The following PPFIA1 variants were observed in gnomAD, a reference collection of about 807,000 sequenced individuals.
PPFIA1 encodes PPFI scaffold protein A1, also known as liprin-alpha-1.
PPFIA1 carries 25 observed loss-of-function variants against 149.9 expected under a neutral mutation model. That is an observed-to-expected ratio of 0.17 (90% CI 0.12 to 0.23). The LOEUF is 0.23. Ranked by LOEUF, PPFIA1 falls within the 10% of genes least tolerant of loss-of-function variation. The probability of loss-of-function intolerance (pLI) is 1.00; values close to 1 mark genes in which losing one functional copy is unlikely to be tolerated. For synonymous variants in PPFIA1, 549 were observed against 552.8 expected, an observed-to-expected ratio of 0.99 and a Z score of 0.10; for missense variants, 1,362 against 1,506.5, an observed-to-expected ratio of 0.90 and a Z score of 1.59.
At chr11:70,310,073 A>G (rs2053156817) in intron 2 of PPFIA1, among the ~76,000 whole-genome samples, 1 of 152,246 alleles carries the variant, frequency 6.6e-6, no homozygotes, top group Non-Finnish European at 1.5e-5. Flanking sequence ...TTGAATGTAT[A>G]TTCACATCAG....
chr11:70,361,997 G>A, intron 19 of PPFIA1, 98 bp from the exon 20 acceptor site: 2 of 1,081,136 alleles, frequency 1.8e-6, no homozygotes, highest in Admixed American at 1.8e-5. Flanking sequence ...CTGGGCTCAA[G>A]TGGTCCTCCT....
At chr11:70,302,308 T>A (rs1220372266) in intron 2 of PPFIA1, among the ~76,000 whole-genome samples, 1 of 152,060 alleles carries the variant, frequency 6.6e-6, no homozygotes, top group African/African-American at 2.4e-5. Context: ...AGGGGATGCT[T>A]CCCCAGGGAG....
chr11:70,354,962 A>G (rs1472465170), intron 17 of PPFIA1, among the ~76,000 whole-genome samples: 2 of 151,796 alleles, frequency 1.3e-5, no homozygotes, highest in Non-Finnish European at 2.9e-5. Flanking sequence ...TTTGAGATAG[A>G]GTCTTGCTCT....
chr11:70,378,453 G>A (rs946698707), intron 26 of PPFIA1: 18 of 1,197,576 alleles, frequency 1.5e-5, no homozygotes, highest in African/African-American at 3.1e-5. Flanking sequence ...CTCAGTATTC[G>A]TCTGTGTTCT....
intron 25 of PPFIA1, among the ~76,000 whole-genome samples, chr11:70,377,798 C>T (rs1222425903): frequency 6.6e-6 from 1 of 152,142 alleles, no homozygotes; most frequent in Non-Finnish European, 1.5e-5. Flanking sequence ...TCCTCATGGC[C>T]CAGCACCGAC....
In PPFIA1 at chr11:70,270,767, G is replaced by C. The variant is rs1188967673; in HGVS notation, c.-148G>C. The C allele has an allele frequency of 4.0e-5, 6 of 150,366 alleles. No individual in the cohort carries two copies. Among genetic ancestry groups the C allele is most frequent in the East Asian group, 2.0e-4 (1 of 5,082 alleles). The allele number at this position is 150,366 out of a possible 1,614,324, so 9.3% of individuals were successfully genotyped here. A position where few individuals can be genotyped will look rare whatever the true frequency, so the allele number is the denominator to read the frequency against. ...CGGCCGCGGGCCGGCCTTAGTGACT[G>C]GGGCGGCGGGCCCCGGGGCCGCGGC... On this transcript the variant is annotated 5_prime_UTR_variant, in exon 1 of 28. Transcript: ENST00000253925.
At position 70,296,618 on chromosome 11, in the gene PPFIA1, C is replaced by T. The variant is rs568615983; in HGVS notation, c.264+24182C>T. ...AATCAGGCAGGGAGGTTGCAGTGAG[C>T]CGAGATGGCAGCAGTACAGTCCAGC... On this transcript the variant is annotated intron_variant, in intron 2 of 27. Transcript: ENST00000253925. Among the ~76,000 whole-genome samples, 36 of 151,592 alleles carry T rather than the reference C, an allele frequency of 2.4e-4. 1 individual carries two copies. The highest frequency in any genetic ancestry group is 8.6e-4 in the Admixed American group (13 of 15,202).
At chr11:70,339,898 C>G (rs964487577) in intron 14 of PPFIA1, among the ~76,000 whole-genome samples, 22 of 152,214 alleles carry the variant, frequency 1.4e-4, no homozygotes, top group African/African-American at 4.8e-4. Context: ...TGCCTATAAT[C>G]CCAGCTACTC....
intron 2 of PPFIA1, chr11:70,321,405 C>A (rs185260368): frequency 6.6e-6 from 1 of 152,340 alleles, no homozygotes; most frequent in Non-Finnish European, 1.5e-5. Flanking sequence ...GCCCGAGACC[C>A]CAATTCCTCT....
rs781513604 is a variant in PPFIA1 at position 70,272,368 on chromosome 11, G to A, written c.196G>A (p.Gly66Arg). ...TCAAGAAACGCTGGCCTTAACCCAG[G>A]GGAAGTTACACGAGGTTGGTCATGA... ...ETQETLALTQ[G>R]KLHEVGHERD... is the part of the protein sequence containing the mutation. The change falls in exon 2 of 28, where the codon GGG becomes AGG. Residue 66 changes from glycine to arginine, a missense_variant. Gly to Arg is a moderately radical substitution (Grantham distance 125). Coordinates refer to ENST00000253925, the MANE Select transcript of PPFIA1 (RefSeq NM_003626.5). The A allele has an allele frequency of 3.7e-6, 6 of 1,614,178 alleles. No homozygotes were observed. The highest frequency in any genetic ancestry group is 5.1e-6 in the Non-Finnish European group (6 of 1,180,036).
Position 70,278,571 on chromosome 11 carries a change from T to A in PPFIA1, c.264+6135T>A, listed in dbSNP as rs77449480. Reference sequence around the variant, plus strand: ...GAGGATATGACTTTTACTGAGTTTATCCACCAGAGTGGAAATAATGTTTGT... The same window carrying A: ...GAGGATATGACTTTTACTGAGTTTAACCACCAGAGTGGAAATAATGTTTGT... On this transcript the variant is annotated intron_variant, in intron 2 of 27. Coordinates refer to ENST00000253925, the MANE Select transcript of PPFIA1 (RefSeq NM_003626.5). Among the ~76,000 whole-genome samples, 169 of 152,310 alleles carry A rather than the reference T, an allele frequency of 1.1e-3. 1 individual carries two copies. In the East Asian group the frequency reaches 0.024, roughly 22 times the overall value.
intron 26 of PPFIA1, 40 bp downstream of exon 26, chr11:70,378,235 C>A: frequency 6.3e-7 from 1 of 1,587,644 alleles, no homozygotes. Context: ...TTGTTGGGAG[C>A]ATGAGCAGCT....
intron 1 of PPFIA1, among the ~76,000 whole-genome samples, chr11:70,271,741 T>G (rs888320751): frequency 1.4e-4 from 22 of 152,284 alleles, no homozygotes; most frequent in Admixed American, 1.2e-3. Context: ...GGTTGTATGC[T>G]CCTTCTGTGC....
intron 2 of PPFIA1, among the ~76,000 whole-genome samples, chr11:70,322,991 A>G (rs2054038503): frequency 6.6e-6 from 1 of 152,210 alleles, no homozygotes; most frequent in Non-Finnish European, 1.5e-5. Context: ...GGATAATTAG[A>G]AACCAATTCA....
chr11:70,376,820 C>T (rs1328729694), intron 25 of PPFIA1, among the ~76,000 whole-genome samples: 2 of 152,166 alleles, frequency 1.3e-5, no homozygotes, highest in Admixed American at 1.3e-4. Context: ...ACCTGTAATC[C>T]CAGCACTTTC....
intron 16 of PPFIA1, among the ~76,000 whole-genome samples, chr11:70,350,294 T>C (rs1293380140): frequency 6.6e-6 from 1 of 152,196 alleles, no homozygotes; most frequent in Non-Finnish European, 1.5e-5. Flanking sequence ...TAATGGAAGC[T>C]GTTTACACAA....
chr11:70,382,349 T>G (rs535773140), intron 27 of PPFIA1, among the ~76,000 whole-genome samples, 191 bp downstream of exon 27: 39 of 152,164 alleles, frequency 2.6e-4, no homozygotes, highest in Non-Finnish European at 5.0e-4. Context: ...CATAAAGAGG[T>G]TAGTGTGTCC....
chr11:70,333,125 T>C (rs1374610368), intron 9 of PPFIA1: 3 of 476,066 alleles, frequency 6.3e-6, no homozygotes, highest in Non-Finnish European at 1.3e-5. Flanking sequence ...TCCTTGCTTG[T>C]GCTTGCCGCT....
At chr11:70,320,790 C>A (rs2053891568) in intron 2 of PPFIA1, among the ~76,000 whole-genome samples, 1 of 152,104 alleles carries the variant, frequency 6.6e-6, no homozygotes. Context: ...TAAGGCAATT[C>A]TCTGCTATAC....
Sources: gnomAD v4.1 joint callset for allele counts (sites outside exome capture counted in the v4.1 genomes callset) on GRCh38, gnomAD v4.1.1 for gene constraint, MANE v1.5 for transcripts, NCBI Gene and HGNC (gene_info 2026-07-23, HGNC 2026-07-21) for gene names.